Variants in PCDH17 observed in about 807,000 individuals in gnomAD.
PCDH17 encodes the protein protocadherin-17.
PCDH17 carries 21 observed loss-of-function variants against 67.7 expected under a neutral mutation model. That is an observed-to-expected ratio of 0.31 (90% confidence interval 0.22 to 0.45). The LOEUF is 0.45. Among genes scored for constraint, PCDH17 ranks in the 20% least tolerant of loss-of-function variants. The pLI is 1.00. For missense variants in PCDH17, 1,471 were observed against 1,564.8 expected (o/e 0.94, Z 1.01); for synonymous variants, 701 against 656.7 (o/e 1.07, Z -1.03).
chr13:57,688,080 C>T (rs1250755075), intron 3 of PCDH17, among the ~76,000 whole-genome samples: 1 of 151,972 alleles, frequency 6.6e-6, no homozygotes, highest in Non-Finnish European at 1.5e-5. Flanking sequence ...TTCTCCTACC[C>T]CCCCACCCCA....
At chr13:57,652,682 AT>A (rs1955057042) in intron 1 of PCDH17, among the ~76,000 whole-genome samples, 1 of 152,170 alleles carries the variant, frequency 6.6e-6, no homozygotes, top group South Asian at 2.1e-4. Context: ...TTCTGATTCC[AT>A]TTATACTTCT....
At position 57,646,953 on chromosome 13, in the gene PCDH17, A is replaced by G. The variant is rs1012911869; in HGVS notation, c.2565+11842A>G. Reference sequence around the variant, plus strand: ...TAAGTCTTGGTTACATGTTACTACAAGAAGCCCTGTGTGCCAGGAACAAGT... The same window carrying G: ...TAAGTCTTGGTTACATGTTACTACAGGAAGCCCTGTGTGCCAGGAACAAGT... On this transcript the variant is annotated intron_variant, in intron 1 of 3. Coordinates refer to ENST00000377918, the MANE Select transcript of PCDH17 (RefSeq NM_001040429.3). 4.6e-5 allele frequency among the ~76,000 whole-genome samples: 7 copies of G among 151,860 alleles called. No homozygotes were observed. In the East Asian group the frequency reaches 1.3e-3, roughly 29 times the overall value.
chr13:57,677,850 G>A (rs1277936775), intron 3 of PCDH17, among the ~76,000 whole-genome samples: 1 of 151,784 alleles, frequency 6.6e-6, no homozygotes, highest in East Asian at 1.9e-4. Context: ...CAAAAATACT[G>A]ATCTCATAGA....
At chr13:57,657,971 CA>C in intron 1 of PCDH17, among the ~76,000 whole-genome samples, 1 of 152,190 alleles carries the variant, frequency 6.6e-6, no homozygotes, top group South Asian at 2.1e-4. Context: ...GACATACTTA[CA>C]ATTATTCTAG....
chr13:57,701,331 A>G (rs1189243200), intron 3 of PCDH17, among the ~76,000 whole-genome samples: 4 of 152,080 alleles, frequency 2.6e-5, no homozygotes, highest in African/African-American at 9.7e-5. Flanking sequence ...AAGTGATGGG[A>G]AAATAACGTG....
chr13:57,677,210 C>T (rs890360631), intron 3 of PCDH17, among the ~76,000 whole-genome samples: 4 of 151,794 alleles, frequency 2.6e-5, no homozygotes, highest in African/African-American at 9.7e-5. Flanking sequence ...ATTCCCTAGA[C>T]TCTCTTGGGA....
In PCDH17 at chr13:57,632,364, G is replaced by A. The variant is rs955658085; in HGVS notation, c.-183G>A. ...GGATGCTGTAGATCAACAGGTTCAG[G>A]GAACTTGAGCAGAATAAGGAGAGAC... On this transcript the variant is annotated 5_prime_UTR_variant, in exon 1 of 4. Transcript: ENST00000377918. 1 of 619,788 alleles carries A rather than the reference G, an allele frequency of 1.6e-6. No homozygotes were observed. Among genetic ancestry groups the A allele is most frequent in the East Asian group, 2.7e-5 (1 of 36,492 alleles). 38.4% of individuals were successfully genotyped at this position (619,788 alleles called of 1,614,324 possible).
chr13:57,642,540 T>C (rs1056631663), intron 1 of PCDH17, among the ~76,000 whole-genome samples: 2 of 151,652 alleles, frequency 1.3e-5, no homozygotes, highest in Non-Finnish European at 3.0e-5. Context: ...AACTATGGTA[T>C]TTTAGATATA....
At chr13:57,661,793 C>T (rs960011124) in intron 1 of PCDH17, among the ~76,000 whole-genome samples, 1 of 152,108 alleles carries the variant, frequency 6.6e-6, no homozygotes, top group Non-Finnish European at 1.5e-5. Context: ...GTCTTCTGTT[C>T]CATTGTCATA....
chr13:57,681,598 G>C lies in PCDH17; in HGVS notation c.2797+14765G>C, dbSNP rs549468362. ...TGGTCAGTCTTACTGAAAATGGATA[G>C]AAGACACAAAAAGCTCTGTGTTAAC... On this transcript the variant is annotated intron_variant, in intron 3 of 3. Coordinates refer to ENST00000377918, the MANE Select transcript of PCDH17 (RefSeq NM_001040429.3). Among the ~76,000 whole-genome samples, 10 of 151,832 alleles carry C rather than the reference G, an allele frequency of 6.6e-5. No homozygotes were observed. The East Asian group carries it at 1.8e-3, about 27-fold the overall frequency.
intron 1 of PCDH17, among the ~76,000 whole-genome samples, chr13:57,656,003 G>T (rs1955098204): frequency 6.6e-6 from 1 of 152,070 alleles, no homozygotes; most frequent in Non-Finnish European, 1.5e-5. Context: ...GCTCTGGCAA[G>T]TGTCATTGTT....
chr13:57,682,177 AT>A (rs1260338921), intron 3 of PCDH17, among the ~76,000 whole-genome samples: 1 of 151,520 alleles, frequency 6.6e-6, no homozygotes, highest in Non-Finnish European at 1.5e-5. Context: ...TACTCCTACA[AT>A]TTACCTAGTC....
In PCDH17 at chr13:57,632,942, C is replaced by T. The variant is rs766683369; in HGVS notation, c.396C>T (p.Phe132=). The T allele has an allele frequency of 1.9e-6, 3 of 1,613,900 alleles. No homozygotes were observed. The highest frequency in any genetic ancestry group is 2.5e-6 in the Non-Finnish European group (3 of 1,180,034). Residue 132 remains phenylalanine (F), a synonymous_variant, in exon 1 of 4, where the codon TTC becomes TTT. Coordinates refer to ENST00000377918, the MANE Select transcript of PCDH17 (RefSeq NM_001040429.3). The part of the protein sequence containing the change: ...IQDINDNAPS[F]SSDQIEMDIS... ...ACATCAACGACAACGCGCCCTCCTT[C>T]TCCTCGGACCAGATCGAAATGGACA...
intron 3 of PCDH17, among the ~76,000 whole-genome samples, chr13:57,715,893 G>T (rs1221255055): frequency 6.6e-6 from 1 of 151,940 alleles, no homozygotes; most frequent in Non-Finnish European, 1.5e-5. Flanking sequence ...AGATAAAGCA[G>T]ATGTAGGAAA....
intron 3 of PCDH17, among the ~76,000 whole-genome samples, chr13:57,703,713 A>G (rs1955689949): frequency 6.6e-6 from 1 of 152,068 alleles, no homozygotes; most frequent in African/African-American, 2.4e-5. Context: ...ATAAACTTCT[A>G]ATTTCTGAGC....
chr13:57,695,800 A>T (rs754608290), intron 3 of PCDH17, among the ~76,000 whole-genome samples: 3 of 151,518 alleles, frequency 2.0e-5, no homozygotes, highest in South Asian at 2.1e-4. Flanking sequence ...AAACCATTGT[A>T]ATTTATATCT....
At chr13:57,666,571 C>T (rs368237023) in intron 2 of PCDH17, 45 bp downstream of exon 2, 179 of 1,605,664 alleles carry the variant, frequency 1.1e-4, no homozygotes, top group Non-Finnish European at 1.5e-4. Context: ...CATTTGCATT[C>T]GTGTCAAAAT....
intron 3 of PCDH17, among the ~76,000 whole-genome samples, chr13:57,670,215 A>G (rs1210663665): frequency 6.6e-6 from 1 of 152,000 alleles, no homozygotes. Context: ...TATTGTCTTG[A>G]TCAATGTATT....
chr13:57,638,336 A>G (rs1954849857), intron 1 of PCDH17, among the ~76,000 whole-genome samples: 1 of 152,126 alleles, frequency 6.6e-6, no homozygotes, highest in Admixed American at 6.5e-5. Flanking sequence ...GCTAAGTCTC[A>G]GGGTGACTTC....
Sources: gnomAD v4.1 joint callset for allele counts (sites outside exome capture counted in the v4.1 genomes callset) on GRCh38, gnomAD v4.1.1 for gene constraint, MANE v1.5 for transcripts, NCBI Gene and HGNC (gene_info 2026-07-23, HGNC 2026-07-21) for gene names.